The following RALGPS1 variants were observed in gnomAD, a reference collection of about 807,000 sequenced individuals.
RALGPS1 encodes the protein Ral GEF with PH domain and SH3 binding motif 1.
Under a neutral mutation model 78.8 loss-of-function variants are expected in RALGPS1, and 19 were observed. The ratio of observed to expected loss-of-function variants is 0.24; its 90% CI spans 0.17 to 0.35. The LOEUF (loss-of-function observed/expected upper bound fraction) is 0.35. RALGPS1 is among the 10% of genes least tolerant of loss of function. The probability of loss-of-function intolerance (pLI) is 1.00; values close to 1 mark genes in which losing one functional copy is unlikely to be tolerated. For synonymous variants in RALGPS1, 228 were observed against 256.3 expected (o/e 0.89, Z 1.06); for missense variants, 454 against 688.3 (o/e 0.66, Z 3.81).
At chr9:127,136,663 A>G (rs1251895906) in intron 8 of RALGPS1, among the ~76,000 whole-genome samples, 1 of 152,080 alleles carries the variant, frequency 6.6e-6, no homozygotes, top group Non-Finnish European at 1.5e-5. Context: ...TGGCCCCCCC[A>G]GAGGCATTCC....
chr9:127,160,121 C>T (rs942294597), intron 8 of RALGPS1, among the ~76,000 whole-genome samples: 1 of 152,298 alleles, frequency 6.6e-6, no homozygotes, highest in Non-Finnish European at 1.5e-5. Context: ...AGTCTCTGGG[C>T]TTGTGGGAAG....
chr9:127,016,424 G>A (rs1297469811), intron 4 of RALGPS1, among the ~76,000 whole-genome samples: 4 of 152,182 alleles, frequency 2.6e-5, no homozygotes, highest in South Asian at 4.1e-4. Flanking sequence ...AGAGTAATCT[G>A]TAACTCCTGC....
rs897560123 is a variant in RALGPS1 at position 127,218,318 on chromosome 9, C to G, written c.1645-422C>G. On this transcript the variant is annotated intron_variant, in intron 18 of 18. Coordinates refer to ENST00000259351, the MANE Select transcript of RALGPS1 (RefSeq NM_014636.3). The surrounding 1 kb of genome is among the most constrained non-coding windows in gnomAD (Gnocchi z 4.4). ...CCTTTGCCAACTCCAGCCACCCACC[C>G]TCTGCACACACCTCAGGCCTTCAGG... 6.6e-6 allele frequency among the ~76,000 whole-genome samples: 1 copy of G among 152,198 alleles called. No individual in the cohort carries two copies. The highest frequency in any genetic ancestry group is 1.5e-5 in the Non-Finnish European group (1 of 68,024).
intron 3 of RALGPS1, among the ~76,000 whole-genome samples, chr9:126,977,145 A>G (rs1245313115): frequency 2.0e-5 from 3 of 152,220 alleles, no homozygotes; most frequent in African/African-American, 7.2e-5. Flanking sequence ...GGCTGGTGGA[A>G]TAAACAGTTT....
At chr9:127,003,529 G>A (rs2043547684) in intron 4 of RALGPS1, among the ~76,000 whole-genome samples, 2 of 152,104 alleles carry the variant, frequency 1.3e-5, no homozygotes, top group Admixed American at 1.3e-4. Context: ...AGTTAGAATG[G>A]CAATCGTTAA....
intron 4 of RALGPS1, among the ~76,000 whole-genome samples, chr9:126,988,441 A>G (rs565633298): frequency 5.3e-5 from 8 of 152,304 alleles, no homozygotes; most frequent in African/African-American, 9.6e-5. Context: ...AAGTCCTGCT[A>G]TGTTGCCCAG....
intron 8 of RALGPS1, among the ~76,000 whole-genome samples, chr9:127,095,576 C>T (rs531649185): frequency 9.2e-5 from 14 of 152,304 alleles, no homozygotes; most frequent in South Asian, 2.1e-4. Context: ...AGGGTGGGGC[C>T]GCTCTGACGC....
chr9:126,915,665 C>T (rs2034077354), intron 1 of RALGPS1, among the ~76,000 whole-genome samples: 1 of 152,000 alleles, frequency 6.6e-6, no homozygotes, highest in Non-Finnish European at 1.5e-5. Context: ...GCTCAGCTGC[C>T]CTGGTTACTG....
intron 14 of RALGPS1, among the ~76,000 whole-genome samples, chr9:127,207,731 C>T (rs1308019972): frequency 6.6e-6 from 1 of 152,214 alleles, no homozygotes; most frequent in Non-Finnish European, 1.5e-5. Context: ...CGGTCCTCCT[C>T]CAGCTCTGGA....
chr9:126,973,593 G>C (rs1314707920), intron 3 of RALGPS1, among the ~76,000 whole-genome samples: 1 of 152,072 alleles, frequency 6.6e-6, no homozygotes, highest in African/African-American at 2.4e-5. Context: ...TATTCGTTTT[G>C]ATTGTGCCAA....
At chr9:126,915,231 C>T (rs1394521229) in intron 1 of RALGPS1, among the ~76,000 whole-genome samples, 1 of 137,780 alleles carries the variant, frequency 7.3e-6, no homozygotes, top group East Asian at 2.1e-4. Flanking sequence ...GCGCGCTGGT[C>T]CCCGGGAGCG....
chr9:127,136,648 A>G (rs1423878623), intron 8 of RALGPS1, among the ~76,000 whole-genome samples: 2 of 151,994 alleles, frequency 1.3e-5, no homozygotes, highest in African/African-American at 4.8e-5. Context: ...TCCTGAGCTC[A>G]GCCCTGGCCC....
chr9:126,941,139 C>CA (rs2036745155), intron 1 of RALGPS1, among the ~76,000 whole-genome samples: 1 of 151,012 alleles, frequency 6.6e-6, no homozygotes, highest in Admixed American at 6.6e-5. Context: ...CGCCCCCCCC[C>CA]TTTAAAATTA....
intron 4 of RALGPS1, among the ~76,000 whole-genome samples, chr9:127,000,907 T>C (rs1219340503): frequency 3.3e-5 from 5 of 151,832 alleles, no homozygotes; most frequent in Non-Finnish European, 7.4e-5. Flanking sequence ...TTGTATGACT[T>C]AATTTAAATT....
At chr9:127,214,645 G>A (rs1346591340) in intron 17 of RALGPS1, 106 bp from the exon 18 acceptor site, 7 of 1,491,018 alleles carry the variant, frequency 4.7e-6, no homozygotes, top group South Asian at 1.4e-5. Flanking sequence ...ACCTGGGGCC[G>A]ACCTTCCCAC....
intron 4 of RALGPS1, among the ~76,000 whole-genome samples, chr9:127,000,247 T>A (rs2043165076): frequency 1.3e-5 from 2 of 152,144 alleles, no homozygotes; most frequent in African/African-American, 4.8e-5. Context: ...TGGGTTTAAT[T>A]TGCTCTTCTT....
At chr9:127,140,773 T>TAC (rs1323340327) in intron 8 of RALGPS1, among the ~76,000 whole-genome samples, 1 of 152,120 alleles carries the variant, frequency 6.6e-6, no homozygotes, top group Non-Finnish European at 1.5e-5. Context: ...ACATTTAAGA[T>TAC]ACACAGAACA....
At chr9:127,044,152 A>G (rs2047551326) in intron 5 of RALGPS1, among the ~76,000 whole-genome samples, 1 of 152,258 alleles carries the variant, frequency 6.6e-6, no homozygotes, top group Admixed American at 6.5e-5. Flanking sequence ...TTCATTAGGT[A>G]AGGTAAATGG....
At chr9:127,117,954 T>C in intron 8 of RALGPS1, among the ~76,000 whole-genome samples, 1 of 152,242 alleles carries the variant, frequency 6.6e-6, no homozygotes, top group East Asian at 1.9e-4. Flanking sequence ...AGCAGGGGGT[T>C]GCTGAGGCTC....
Sources: gnomAD v4.1 joint callset for allele counts (sites outside exome capture counted in the v4.1 genomes callset) on GRCh38, gnomAD v4.1.1 for gene constraint, Gnocchi (gnomAD v3.1) non-coding constraint, MANE v1.5 for transcripts, NCBI Gene and HGNC (gene_info 2026-07-23, HGNC 2026-07-21) for gene names.